The following DOCK7 variants were observed in gnomAD, a reference collection of about 807,000 sequenced individuals.
DOCK7 encodes dedicator of cytokinesis protein 7.
In DOCK7, 138 loss-of-function variants were observed where a neutral mutation model predicts 271.0. That is an observed-to-expected ratio of 0.51 (90% CI 0.44 to 0.59). The LOEUF is 0.59. DOCK7 is among the 20% of genes least tolerant of loss of function. DOCK7 has a pLI of 0.00. For missense variants in DOCK7, 2,066 were observed against 2,592.4 expected (o/e 0.80, Z 4.41); for synonymous variants, 823 against 876.1 (o/e 0.94, Z 1.07).
intron 18 of DOCK7, among the ~76,000 whole-genome samples, chr1:62,567,461 A>C (rs1213063715): frequency 6.7e-6 from 1 of 150,036 alleles, no homozygotes; most frequent in Non-Finnish European, 1.5e-5. Flanking sequence ...AAAACCAAAC[A>C]CCACATGTTC....
At position 62,514,041 on chromosome 1, in the gene DOCK7, A is replaced by C; in HGVS notation, c.3937-143T>G. ...TTAAAAACCATTTGATTCAGACAAC[A>C]CTTGTACAAAAGGATCATATATAAC... On this transcript the variant is annotated intron_variant, in intron 31 of 49. Transcript: ENST00000635253. The C allele has an allele frequency of 4.3e-6, 3 of 694,454 alleles. No individual in the cohort carries two copies. The South Asian group carries it at 7.0e-5, about 16-fold the overall frequency. 43.0% of individuals were successfully genotyped at this position (694,454 alleles called of 1,614,324 possible). A position where few individuals can be genotyped will look rare whatever the true frequency, so the allele number is the denominator to read the frequency against.
intron 12 of DOCK7, chr1:62,625,001 A>G: frequency 3.5e-6 from 1 of 286,680 alleles, no homozygotes; most frequent in Non-Finnish European, 6.4e-6. Flanking sequence ...AACAGGATAC[A>G]GGTATGAAAG....
At chr1:62,603,250 T>C (rs1230429106) in intron 14 of DOCK7, among the ~76,000 whole-genome samples, 1 of 151,704 alleles carries the variant, frequency 6.6e-6, no homozygotes, top group African/African-American at 2.4e-5. Context: ...TTACCAGCAA[T>C]CCTTAAAATG....
At chr1:62,670,008 G>A (rs1290598946) in intron 1 of DOCK7, among the ~76,000 whole-genome samples, 124 of 152,222 alleles carry the variant, frequency 8.1e-4, no homozygotes, top group Middle Eastern at 3.4e-3. Context: ...TGCTGGCCCC[G>A]GGCAATGGGG....
At chr1:62,650,582 T>C (rs1310161708) in intron 4 of DOCK7, among the ~76,000 whole-genome samples, 2 of 151,934 alleles carry the variant, frequency 1.3e-5, no homozygotes, top group Non-Finnish European at 2.9e-5. Context: ...TACAAAGAAC[T>C]CAAACAAATT....
chr1:62,635,166 G>C, intron 8 of DOCK7: 1 of 283,498 alleles, frequency 3.5e-6, no homozygotes, highest in Non-Finnish European at 6.4e-6. Flanking sequence ...CAGATAGTAG[G>C]ATATTATACT....
At chr1:62,546,076 C>T (rs188611332) in intron 22 of DOCK7, among the ~76,000 whole-genome samples, 10 of 151,988 alleles carry the variant, frequency 6.6e-5, no homozygotes, top group African/African-American at 1.9e-4. Flanking sequence ...GAGTACAGAC[C>T]CAAACCAGAA....
chr1:62,466,236 G>C (rs1455522609), intron 48 of DOCK7, among the ~76,000 whole-genome samples: 2 of 151,666 alleles, frequency 1.3e-5, no homozygotes, highest in African/African-American at 4.8e-5. Context: ...TTTTAATGCA[G>C]ATAAAAGTGC....
At chr1:62,553,068 C>G (rs1645967838) in intron 21 of DOCK7, among the ~76,000 whole-genome samples, 167 bp from the exon 22 acceptor site, 1 of 114,082 alleles carries the variant, frequency 8.8e-6, no homozygotes, top group Non-Finnish European at 1.7e-5. Flanking sequence ...CAGAGTCTCT[C>G]TCTGTTGCCA....
intron 1 of DOCK7, among the ~76,000 whole-genome samples, chr1:62,683,555 G>A (rs1333896467): frequency 1.3e-5 from 2 of 152,128 alleles, no homozygotes; most frequent in African/African-American, 2.4e-5. Flanking sequence ...GACTAAGAAA[G>A]CTGGCATAAC....
At chr1:62,534,799 T>C (rs1357954709) in intron 29 of DOCK7, among the ~76,000 whole-genome samples, 3 of 151,862 alleles carry the variant, frequency 2.0e-5, no homozygotes, top group Non-Finnish European at 4.4e-5. Flanking sequence ...TGATGGCAAA[T>C]TATAAATTTT....
chr1:62,663,592 C>G (rs573083887), intron 1 of DOCK7, among the ~76,000 whole-genome samples: 2 of 152,206 alleles, frequency 1.3e-5, no homozygotes, highest in East Asian at 3.9e-4. Context: ...TGATTTAATT[C>G]AGAGCCCTGA....
At chr1:62,535,339 A>G (rs1645307680) in intron 29 of DOCK7, among the ~76,000 whole-genome samples, 154 bp downstream of exon 29, 2 of 152,236 alleles carry the variant, frequency 1.3e-5, no homozygotes, top group Admixed American at 1.3e-4. Context: ...GATTAAACAG[A>G]TAAATAATAT....
At chr1:62,542,106 G>A (rs1184161401) in intron 25 of DOCK7, among the ~76,000 whole-genome samples, 1 of 152,062 alleles carries the variant, frequency 6.6e-6, no homozygotes, top group Non-Finnish European at 1.5e-5. Flanking sequence ...TCAAACTCCT[G>A]ATCTCAAGTG....
In DOCK7 at chr1:62,455,052, A is replaced by T; in HGVS notation, c.*362T>A. 1 of 454,888 alleles carries T rather than the reference A, an allele frequency of 2.2e-6. No homozygotes were observed. The highest frequency in any genetic ancestry group is 4.9e-5 in the South Asian group (1 of 20,532). 28.2% of individuals were successfully genotyped at this position (454,888 alleles called of 1,614,324 possible). ...CATATTTAATAGTACCTTTAAAATA[A>T]GCATTACTACATTTAAAATGGTTCC... On this transcript the variant is annotated 3_prime_UTR_variant, in exon 50 of 50. Transcript: ENST00000635253.
intron 44 of DOCK7, 99 bp downstream of exon 44, chr1:62,477,601 G>T: frequency 7.5e-7 from 1 of 1,326,786 alleles, no homozygotes; most frequent in South Asian, 2.0e-5. Flanking sequence ...TACTTGGCAA[G>T]ATCTGGCTTA....
At chr1:62,544,472 C>A (rs1310649398) in intron 23 of DOCK7, among the ~76,000 whole-genome samples, 1 of 152,182 alleles carries the variant, frequency 6.6e-6, no homozygotes, top group Non-Finnish European at 1.5e-5. Context: ...ATACTGTTCA[C>A]ATTCAATTTC....
intron 18 of DOCK7, among the ~76,000 whole-genome samples, chr1:62,575,079 G>A (rs918364215): frequency 3.3e-5 from 5 of 152,104 alleles, no homozygotes; most frequent in African/African-American, 4.8e-5. Flanking sequence ...TTCCCAGGCT[G>A]GAGGGCACTG....
intron 19 of DOCK7, among the ~76,000 whole-genome samples, chr1:62,561,282 C>A (rs1367315547): frequency 1.3e-5 from 2 of 152,112 alleles, no homozygotes; most frequent in African/African-American, 4.8e-5. Flanking sequence ...AAAACTCTTT[C>A]CATTTGAAAT....
Sources: allele counts gnomAD v4.1 joint callset (sites outside exome capture counted in the v4.1 genomes callset), GRCh38; gene constraint gnomAD v4.1.1; transcripts MANE v1.5; gene names NCBI Gene and HGNC (gene_info 2026-07-23, HGNC 2026-07-21).